Variants in SLC9C2 observed in about 807,000 individuals in gnomAD.
SLC9C2 encodes solute carrier family 9 member C2 (putative), also known as sodium/hydrogen exchanger 11.
In SLC9C2, 75 loss-of-function variants were observed where a neutral mutation model predicts 140.2. That is an observed-to-expected ratio of 0.53 (90% CI 0.44 to 0.65). The LOEUF (loss-of-function observed/expected upper bound fraction) is 0.65, where lower values mean the gene tolerates loss of function less well. SLC9C2 is among the 30% of genes least tolerant of loss of function. SLC9C2 has a pLI of 0.00. For missense variants in SLC9C2, 1,074 were observed against 1,331.8 expected (o/e 0.81, Z 3.01); for synonymous variants, 375 against 420.9 (o/e 0.89, Z 1.34).
intron 11 of SLC9C2, among the ~76,000 whole-genome samples, chr1:173,550,448 A>T (rs1027221158): frequency 0.074 from 10,623 of 143,454 alleles, 619 homozygotes; most frequent in African/African-American, 0.14. Flanking sequence ...TTATTTATTT[A>T]TTTATTTTTG....
At chr1:173,583,483 A>G (rs753945912) in intron 6 of SLC9C2, 23 bp downstream of exon 6, 1 of 1,304,750 alleles carries the variant, frequency 7.7e-7, no homozygotes, top group East Asian at 2.3e-5. Flanking sequence ...TTTAGAAAAT[A>G]TACAGACAAA....
At chr1:173,512,287 T>C (rs1225997947) in intron 23 of SLC9C2, among the ~76,000 whole-genome samples, 1 of 152,252 alleles carries the variant, frequency 6.6e-6, no homozygotes, top group Admixed American at 6.5e-5. Flanking sequence ...TCCATAAGCA[T>C]GGAATGTTTT....
Position 173,521,383 on chromosome 1 carries a change from G to T in SLC9C2, c.2657C>A (p.Ala886Asp). ...AATGGTATCTCCAGAGTCAAAACAG[G>T]CAAGTTTGGCTCTTTCCTGAGTGGG... ...IDFFKERAKLACFDSGDTICK... is the reference protein window; with the variant it reads ...IDFFKERAKLDCFDSGDTICK... The change falls in exon 22 of 28, where the codon GCC (alanine) becomes GAC (aspartate). Residue 886 changes from alanine (A) to aspartate (D), a missense_variant. Physicochemically the swap from Ala to Asp is moderately radical, Grantham distance 126. Coordinates refer to ENST00000367714, the MANE Select transcript of SLC9C2 (RefSeq NM_178527.4). The T allele has an allele frequency of 6.6e-7, 1 of 1,516,186 alleles. No homozygotes were observed. Among genetic ancestry groups the T allele is most frequent in the Non-Finnish European group, 8.8e-7 (1 of 1,139,484 alleles). 93.9% of individuals were successfully genotyped at this position (1,516,186 alleles called of 1,614,324 possible).
intron 11 of SLC9C2, among the ~76,000 whole-genome samples, chr1:173,549,485 G>A (rs1037528904): frequency 6.6e-6 from 1 of 152,186 alleles, no homozygotes; most frequent in East Asian, 1.9e-4. Context: ...ATATGATGGG[G>A]CAACAGCCAC....
At chr1:173,580,719 C>G (rs1451120119) in intron 7 of SLC9C2, among the ~76,000 whole-genome samples, 10 of 152,172 alleles carry the variant, frequency 6.6e-5, no homozygotes, top group Admixed American at 6.5e-4. Context: ...CCAGGGTCAC[C>G]AAGCTAATAA....
At chr1:173,512,135 G>A (rs964592406) in intron 23 of SLC9C2, among the ~76,000 whole-genome samples, 15 of 152,106 alleles carry the variant, frequency 9.9e-5, no homozygotes, top group African/African-American at 3.6e-4. Context: ...GTCTATGTGG[G>A]CTCTTTTTTG....
At chr1:173,557,840 C>T (rs564086021) in intron 9 of SLC9C2, among the ~76,000 whole-genome samples, 20 of 152,264 alleles carry the variant, frequency 1.3e-4, no homozygotes, top group Non-Finnish European at 2.5e-4. Context: ...CATCTACTCC[C>T]TGAAAAGCCA....
In SLC9C2 at chr1:173,509,612, G is replaced by A; in HGVS notation, c.2995C>T (p.Leu999Phe). Reference protein sequence around the residue: ...LEYKIWLKLALSTAYQYFESS... With the variant: ...LEYKIWLKLAFSTAYQYFESS... Reference sequence around the variant, plus strand: ...TCAAAATACTGATAGGCAGTACTGAGAGCAAGCTTTAGCCATATTTTATAT... The same window carrying A: ...TCAAAATACTGATAGGCAGTACTGAAAGCAAGCTTTAGCCATATTTTATAT... The change falls in exon 24 of 28, where the codon CTC becomes TTC. Residue 999 changes from leucine (L) to phenylalanine (F), a missense_variant. Coordinates refer to ENST00000367714, the MANE Select transcript of SLC9C2 (RefSeq NM_178527.4). The A allele has an allele frequency of 6.3e-7, 1 of 1,597,718 alleles. No homozygotes were observed. The highest frequency in any genetic ancestry group is 8.5e-7 in the Non-Finnish European group (1 of 1,174,984).
chr1:173,549,883 T>A (rs544581970), intron 11 of SLC9C2, among the ~76,000 whole-genome samples: 3 of 152,128 alleles, frequency 2.0e-5, no homozygotes, highest in Non-Finnish European at 4.4e-5. Context: ...CCCTCACTGA[T>A]CTCACTTTTG....
chr1:173,587,987 A>G (rs1665953472), intron 4 of SLC9C2, among the ~76,000 whole-genome samples, 157 bp from the exon 5 acceptor site: 1 of 152,208 alleles, frequency 6.6e-6, no homozygotes, highest in African/African-American at 2.4e-5. Flanking sequence ...ACCTGCCACA[A>G]AGAAACCGCC....
chr1:173,576,606 G>A (rs942245253), intron 8 of SLC9C2, 55 bp downstream of exon 8: 19 of 1,085,886 alleles, frequency 1.7e-5, no homozygotes, highest in East Asian at 4.8e-5. Flanking sequence ...AAGGCGAGAC[G>A]CCTTATGCAC....
chr1:173,505,271 T>C lies in SLC9C2; in HGVS notation c.3286A>G (p.Arg1096Gly). 1 of 1,614,116 alleles carries C rather than the reference T, an allele frequency of 6.2e-7. No individual in the cohort carries two copies. The highest frequency in any genetic ancestry group is 8.5e-7 in the Non-Finnish European group (1 of 1,179,966). The change falls in exon 26 of 28, where the codon AGA becomes GGA. Residue 1096 changes from arginine (R) to glycine (G), a missense_variant. Arg to Gly is a moderately radical substitution (Grantham distance 125). Transcript: ENST00000367714. Reference protein sequence around the residue: ...LIIQASELTQRNSNTNVMASV... With the variant: ...LIIQASELTQGNSNTNVMASV... ...CCCATGACATTGGTGTTACTATTTC[T>C]TTGGGTAAGCTCAGATGCTTGGATT...
At chr1:173,572,924 G>T (rs1174258804) in intron 9 of SLC9C2, among the ~76,000 whole-genome samples, 2 of 152,200 alleles carry the variant, frequency 1.3e-5, no homozygotes, top group Non-Finnish European at 2.9e-5. Context: ...TGATTCAGTA[G>T]GTTGAGATGG....
intron 23 of SLC9C2, 61 bp downstream of exon 23, chr1:173,517,476 G>A: frequency 6.9e-7 from 1 of 1,447,928 alleles, no homozygotes; most frequent in Non-Finnish European, 9.2e-7. Flanking sequence ...AAGAAAAGAT[G>A]CTGGTATTTT....
At chr1:173,518,009 C>T (rs1011826215) in intron 22 of SLC9C2, among the ~76,000 whole-genome samples, 2 of 152,132 alleles carry the variant, frequency 1.3e-5, no homozygotes, top group Non-Finnish European at 2.9e-5. Flanking sequence ...GCCTGTAATC[C>T]CAGCACTTTG....
At chr1:173,514,243 T>C (rs573004331) in intron 23 of SLC9C2, among the ~76,000 whole-genome samples, 8 of 151,962 alleles carry the variant, frequency 5.3e-5, no homozygotes, top group African/African-American at 1.9e-4. Context: ...TGATCTAATA[T>C]TGACAGTGGG....
intron 13 of SLC9C2, among the ~76,000 whole-genome samples, chr1:173,545,356 T>G (rs1343743569): frequency 2.6e-5 from 4 of 152,088 alleles, no homozygotes; most frequent in African/African-American, 9.7e-5. Flanking sequence ...GAAATCAAAC[T>G]GAGAAAGCCA....
chr1:173,544,739 G>A (rs963958113), intron 13 of SLC9C2, among the ~76,000 whole-genome samples: 1 of 151,992 alleles, frequency 6.6e-6, no homozygotes, highest in African/African-American at 2.4e-5. Context: ...CCATAATTCT[G>A]AGCAAACTAT....
intron 13 of SLC9C2, among the ~76,000 whole-genome samples, chr1:173,546,709 T>C (rs930565068): frequency 1.3e-5 from 2 of 152,222 alleles, no homozygotes; most frequent in African/African-American, 4.8e-5. Context: ...GTGTGGACTT[T>C]ACTGGAGTTC....
Sources: allele counts gnomAD v4.1 joint callset (sites outside exome capture counted in the v4.1 genomes callset), GRCh38; gene constraint gnomAD v4.1.1; transcripts MANE v1.5; gene names NCBI Gene and HGNC (gene_info 2026-07-23, HGNC 2026-07-21).